Variants in DENND1A observed in about 807,000 individuals in gnomAD.
DENND1A encodes DENN domain containing 1A.
In DENND1A, 51 loss-of-function variants were observed where a neutral mutation model predicts 113.7. The observed-to-expected ratio is 0.45, with a 90% CI of 0.36 to 0.57. The LOEUF is 0.57. Among genes scored for constraint, DENND1A ranks in the 20% least tolerant of loss-of-function variants. The pLI is 0.00. For missense variants in DENND1A, 1,258 were observed against 1,395.9 expected (o/e 0.90, Z 1.57); for synonymous variants, 565 against 570.8 (o/e 0.99, Z 0.14).
chr9:123,914,560 A>AG (rs1554817099), intron 1 of DENND1A, among the ~76,000 whole-genome samples: 6 of 151,522 alleles, frequency 4.0e-5, no homozygotes, highest in Middle Eastern at 3.4e-3. Context: ...AAAAAAAAAA[A>AG]AAAGAAATAC....
intron 1 of DENND1A, among the ~76,000 whole-genome samples, chr9:123,898,967 T>C (rs1448779139): frequency 6.6e-6 from 1 of 152,198 alleles, no homozygotes; most frequent in East Asian, 1.9e-4. Flanking sequence ...TTAAACCAAA[T>C]CACCCTTTCT....
intron 5 of DENND1A, among the ~76,000 whole-genome samples, chr9:123,752,191 A>G (rs2070110206): frequency 6.6e-6 from 1 of 152,160 alleles, no homozygotes; most frequent in Non-Finnish European, 1.5e-5. Context: ...GATGAGTGTG[A>G]TATCTGAAGA....
At chr9:123,725,489 G>A (rs1052239034) in intron 5 of DENND1A, among the ~76,000 whole-genome samples, 3 of 152,226 alleles carry the variant, frequency 2.0e-5, no homozygotes, top group African/African-American at 7.2e-5. Context: ...TGTCTTTATA[G>A]GTCATTGTTG....
At chr9:123,843,339 G>C in intron 2 of DENND1A, 1 of 357,746 alleles carries the variant, frequency 2.8e-6, no homozygotes, top group Non-Finnish European at 5.6e-6. Context: ...GTTCTATATG[G>C]AGCTAAAAGA....
intron 1 of DENND1A, among the ~76,000 whole-genome samples, chr9:123,927,248 T>C (rs1857280076): frequency 6.6e-6 from 1 of 152,250 alleles, no homozygotes; most frequent in Non-Finnish European, 1.5e-5. Flanking sequence ...GCTTTACCAC[T>C]GATCACACAA....
chr9:123,899,745 T>G (rs1851308575), intron 1 of DENND1A, among the ~76,000 whole-genome samples: 1 of 152,228 alleles, frequency 6.6e-6, no homozygotes, highest in South Asian at 2.1e-4. Flanking sequence ...TGTTCTTTCC[T>G]GTGCAATGTG....
intron 19 of DENND1A, among the ~76,000 whole-genome samples, chr9:123,426,777 T>A (rs1435464495): frequency 1.3e-5 from 2 of 152,204 alleles, no homozygotes; most frequent in African/African-American, 4.8e-5. Flanking sequence ...CCATTGCAAC[T>A]GGCTGTGGAA....
intron 5 of DENND1A, among the ~76,000 whole-genome samples, chr9:123,713,127 G>A (rs183623135): frequency 3.9e-5 from 6 of 152,172 alleles, no homozygotes; most frequent in Admixed American, 1.3e-4. Flanking sequence ...AGTTAACAAG[G>A]GGCAGAGAAT....
At chr9:123,784,072 A>T (rs1009925497) in intron 3 of DENND1A, among the ~76,000 whole-genome samples, 1 of 152,200 alleles carries the variant, frequency 6.6e-6, no homozygotes, top group South Asian at 2.1e-4. Flanking sequence ...ACCAAAAGCC[A>T]GTTTGGACAA....
chr9:123,489,324 G>C (rs923296778), intron 13 of DENND1A, among the ~76,000 whole-genome samples: 5 of 152,216 alleles, frequency 3.3e-5, no homozygotes, highest in Admixed American at 1.3e-4. Context: ...CACAGCAGTG[G>C]CACACACAGG....
chr9:123,495,647 C>T (rs1268780544), intron 13 of DENND1A, among the ~76,000 whole-genome samples: 4 of 152,120 alleles, frequency 2.6e-5, no homozygotes, highest in Admixed American at 1.3e-4. Context: ...TTAGAAGGAC[C>T]GTAGGTTAGA....
chr9:123,638,473 TTTG>T (rs1256851570), intron 9 of DENND1A, among the ~76,000 whole-genome samples: 5 of 152,124 alleles, frequency 3.3e-5, no homozygotes, highest in African/African-American at 9.6e-5. Context: ...CACATGCACT[TTTG>T]TTGTTGTTGT....
intron 19 of DENND1A, chr9:123,414,010 C>T: frequency 1.0e-6 from 1 of 989,610 alleles, no homozygotes; most frequent in African/African-American, 1.7e-5. Context: ...ACCATCTTCT[C>T]CAGCCCCACT....
chr9:123,487,252 C>A (rs2050962315), intron 13 of DENND1A, among the ~76,000 whole-genome samples: 1 of 152,200 alleles, frequency 6.6e-6, no homozygotes, highest in Admixed American at 6.5e-5. Flanking sequence ...TCCCTCCTAT[C>A]CTCTTTGCTC....
At chr9:123,458,128 G>A (rs1032969085) in intron 13 of DENND1A, among the ~76,000 whole-genome samples, 7 of 151,784 alleles carry the variant, frequency 4.6e-5, no homozygotes, top group African/African-American at 1.5e-4. Flanking sequence ...AGCCTCCCGG[G>A]TAGCTGGGAT....
chr9:123,393,334 C>G (rs975233535), intron 21 of DENND1A, among the ~76,000 whole-genome samples: 14 of 152,130 alleles, frequency 9.2e-5, no homozygotes, highest in Non-Finnish European at 2.1e-4. Context: ...CTTCCCAGAA[C>G]TTTCCAGGCA....
intron 13 of DENND1A, among the ~76,000 whole-genome samples, chr9:123,518,731 C>T (rs952472577): frequency 2.6e-5 from 4 of 152,276 alleles, no homozygotes; most frequent in African/African-American, 9.6e-5. Context: ...TTTCCACTGA[C>T]ACCACAGTCC....
rs554775040 is a variant in DENND1A at position 123,671,192 on chromosome 9, A to T, written c.453+99T>A. On this transcript the variant is annotated intron_variant, in intron 7 of 23. Transcript: ENST00000394215. ...GAGTATTTGGGGGTAGGGTTAGGGG[A>T]GGTATGGCTGACAAAATACAATCCT... 8.1e-6 allele frequency: 11 copies of T among 1,360,598 alleles called. No individual in the cohort carries two copies. In the African/African-American group the frequency reaches 1.3e-4, roughly 16 times the overall value. The allele number at this position is 1,360,598 out of a possible 1,614,324, so 84.3% of individuals were successfully genotyped here. A position where few individuals can be genotyped will look rare whatever the true frequency, so the allele number is the denominator to read the frequency against.
chr9:123,706,707 C>A (rs1230886913), intron 5 of DENND1A, among the ~76,000 whole-genome samples: 1 of 129,402 alleles, frequency 7.7e-6, no homozygotes, highest in Non-Finnish European at 1.6e-5. Context: ...GGAGGGGGAG[C>A]TTGCAGTGAG....
Sources: allele counts gnomAD v4.1 joint callset (sites outside exome capture counted in the v4.1 genomes callset), GRCh38; gene constraint gnomAD v4.1.1; transcripts MANE v1.5; gene names NCBI Gene and HGNC (gene_info 2026-07-23, HGNC 2026-07-21).